PASK: variants seen among roughly 807,000 people sequenced by gnomAD.
PASK encodes PAS domain containing serine/threonine kinase.
Under a neutral mutation model 121.0 loss-of-function variants are expected in PASK, and 110 were observed. The observed-to-expected ratio is 0.91, with a 90% CI of 0.78 to 1.06. The LOEUF is 1.06. PASK is among the 50% of genes least tolerant of loss of function. The pLI, the probability that PASK is intolerant of heterozygous loss-of-function variation, is 0.00. For missense variants in PASK, 1,643 were observed against 1,702.3 expected (o/e 0.97, Z 0.61); for synonymous variants, 686 against 717.8 (o/e 0.96, Z 0.71).
chr2:241,130,828 C>T (rs1183706855), intron 9 of PASK, among the ~76,000 whole-genome samples: 1 of 152,082 alleles, frequency 6.6e-6, no homozygotes, highest in Non-Finnish European at 1.5e-5. Flanking sequence ...TCCGAGGAGG[C>T]CTGTAGAGGA....
At chr2:241,145,967 C>T (rs866608152) in intron 1 of PASK, 1 of 149,826 alleles carries the variant, frequency 6.7e-6, no homozygotes. Flanking sequence ...AAAATGAGAA[C>T]ACAGCTTCAC....
chr2:241,140,201 C>T (rs963511895), intron 3 of PASK, 146 bp from the exon 4 acceptor site: 36 of 576,150 alleles, frequency 6.2e-5, no homozygotes, highest in Middle Eastern at 3.3e-4. Context: ...AGTGCAGTGG[C>T]GCAATCAGAG....
chr2:241,144,637 G>A (rs1022191294), intron 1 of PASK, among the ~76,000 whole-genome samples: 6 of 152,330 alleles, frequency 3.9e-5, no homozygotes, highest in African/African-American at 1.4e-4. Context: ...GCCGTGAACT[G>A]GCTGAGGAGC....
At position 241,130,064 on chromosome 2, in the gene PASK, C is replaced by G. The variant is rs542856013; in HGVS notation, c.1464-2613G>C. ...AGCACCCAACGTAGTCCCTAAAACA[C>G]AAAAGCACTCCGTACAGCTCACCTC... is the stretch of plus-strand genomic sequence containing the variant. On this transcript the variant is annotated intron_variant, in intron 9 of 17. Coordinates refer to ENST00000234040, the MANE Select transcript of PASK (RefSeq NM_015148.4). 4.5e-4 allele frequency among the ~76,000 whole-genome samples: 69 copies of G among 152,308 alleles called. 1 individual carries two copies. Among genetic ancestry groups the G allele is most frequent in the Non-Finnish European group, 5.9e-5 (4 of 68,026 alleles).
chr2:241,127,055 C>T lies in PASK; in HGVS notation c.1860G>A (p.Trp620Ter), dbSNP rs766875141. The change falls in exon 10 of 18, where the codon TGG (tryptophan) becomes TGA (stop). Residue 620 changes from tryptophan (W) to a stop codon, truncating the protein, a stop_gained. Coordinates refer to ENST00000234040, the MANE Select transcript of PASK (RefSeq NM_015148.4). LOFTEE classifies it high-confidence loss of function. Reference protein sequence around the residue: ...CPCYGSEWGLWWRSQDLAPSP... With the variant: ...CPCYGSEWGL ...TGGGGGCCAAGTCCTGGCTTCGCCA[C>T]CACAAGCCCCATTCACTCCCATAGC... 9 of 1,614,124 alleles carry T rather than the reference C, an allele frequency of 5.6e-6. No individual in the cohort carries two copies. Among genetic ancestry groups the T allele is most frequent in the Non-Finnish European group, 7.6e-6 (9 of 1,180,046 alleles).
At chr2:241,148,155 C>T (rs1028742773) in intron 1 of PASK, among the ~76,000 whole-genome samples, 2 of 152,180 alleles carry the variant, frequency 1.3e-5, no homozygotes, top group Non-Finnish European at 2.9e-5. Context: ...GGAACCCAAA[C>T]CCAGCAGACA....
intron 7 of PASK, among the ~76,000 whole-genome samples, chr2:241,136,345 C>T (rs568640634): frequency 6.6e-6 from 1 of 152,362 alleles, no homozygotes; most frequent in African/African-American, 2.4e-5. Flanking sequence ...GATCTGGGAG[C>T]CTGTGTTTGC....
intron 6 of PASK, 100 bp from the exon 7 acceptor site, chr2:241,137,364 G>A (rs1029176171): frequency 2.1e-6 from 2 of 947,506 alleles, no homozygotes; most frequent in Non-Finnish European, 3.5e-6. Flanking sequence ...ACGTCATCGG[G>A]GAAGGTCCCC....
In PASK at chr2:241,106,471, G is replaced by C. The variant is rs2064883060; in HGVS notation, c.*95C>G. The stretch of plus-strand genomic sequence containing the variant: ...ACATGAGTTTTTAGAAGGTGAATTG[G>C]GGATGCTTCAGAATGTATTTTCTCC... On this transcript the variant is annotated 3_prime_UTR_variant, in exon 18 of 18. Transcript: ENST00000234040. 5.5e-6 allele frequency: 7 copies of C among 1,276,636 alleles called. No individual in the cohort carries two copies. In the Admixed American group the frequency reaches 1.0e-4, roughly 18 times the overall value. 79.1% of individuals were successfully genotyped at this position (1,276,636 alleles called of 1,614,324 possible).
chr2:241,109,827 T>C (rs1031562953), intron 15 of PASK: 1 of 152,356 alleles, frequency 6.6e-6, no homozygotes, highest in Admixed American at 6.5e-5. Context: ...TTGGCAAACT[T>C]TTCCTGTGAA....
chr2:241,128,193 T>C (rs1011736379), intron 9 of PASK, among the ~76,000 whole-genome samples: 14 of 152,172 alleles, frequency 9.2e-5, no homozygotes, highest in Admixed American at 9.2e-4. Flanking sequence ...GGCAGGAGAA[T>C]GGTTTGAGCC....
chr2:241,131,678 C>G (rs2125438058), intron 9 of PASK, among the ~76,000 whole-genome samples: 1 of 152,156 alleles, frequency 6.6e-6, no homozygotes, highest in Middle Eastern at 3.4e-3. Flanking sequence ...AGGAAGGGAC[C>G]CAGGGTCTGC....
At position 241,144,781 on chromosome 2, in the gene PASK, C is replaced by A. The variant is rs2066874607; in HGVS notation, c.-42-1707G>T. On this transcript the variant is annotated intron_variant, in intron 1 of 17. Transcript: ENST00000234040. ...ACACCACCTCTTCCAATATGGAACT[C>A]CAAGGAGTCCCCCCTCCTTGCCTTA... Among the ~76,000 whole-genome samples the A allele has an allele frequency of 2.6e-5, 4 of 152,178 alleles. No individual in the cohort carries two copies. In the South Asian group the frequency reaches 8.3e-4, roughly 32 times the overall value.
At position 241,126,497 on chromosome 2, in the gene PASK, G is replaced by T. The variant is rs2065870464; in HGVS notation, c.2418C>A (p.Asp806Glu). Residue 806 changes from aspartate (D) to glutamate (E), a missense_variant, in exon 10 of 18, where the codon GAC becomes GAA. By Grantham distance (45) the Asp-to-Glu change is conservative (BLOSUM62 2). Transcript: ENST00000234040. ...CCCGGAACCGTCGGCCTTGGCCAAG[G>T]TCAACACAGGTGCCGGTCAGTAGTA... The part of the protein sequence containing the change: ...ELLLLTGTCV[D>E]LGQGRRFRES... 1.2e-6 allele frequency: 2 copies of T among 1,614,130 alleles called. No individual in the cohort carries two copies. The highest frequency in any genetic ancestry group is 2.7e-5 in the African/African-American group (2 of 74,934).
At chr2:241,121,862 G>C (rs1396122787) in intron 12 of PASK, among the ~76,000 whole-genome samples, 2 of 151,972 alleles carry the variant, frequency 1.3e-5, no homozygotes, top group Non-Finnish European at 2.9e-5. Flanking sequence ...GATTACAAAG[G>C]GAAACAAGCA....
At chr2:241,144,117 CGTGT>C (rs911065339) in intron 1 of PASK, among the ~76,000 whole-genome samples, 2 of 151,524 alleles carry the variant, frequency 1.3e-5, no homozygotes, top group Non-Finnish European at 2.9e-5. Flanking sequence ...TGTGTCCGTG[CGTGT>C]GTGTGCGTGT....
rs754971580 is a variant in PASK at position 241,142,830 on chromosome 2, T to G, written c.196+7A>C. The G allele has an allele frequency of 6.2e-7, 1 of 1,604,274 alleles. No individual in the cohort carries two copies. Among genetic ancestry groups the G allele is most frequent in the Admixed American group, 1.7e-5 (1 of 60,004 alleles). The stretch of plus-strand genomic sequence containing the variant: ...CGCTAAGGCCTGCAGTGGTCGAAGG[T>G]CATTACCAGAGAGCGCTGTCCTGCT... On this transcript the variant is annotated splice_region_variant and intron_variant, in intron 2 of 17. Transcript: ENST00000234040.
intron 11 of PASK, among the ~76,000 whole-genome samples, chr2:241,123,174 C>CTT (rs528024638): frequency 6.0e-5 from 8 of 132,934 alleles, no homozygotes; most frequent in South Asian, 2.5e-4. Flanking sequence ...AAAGTGGCTT[C>CTT]TTTTTTTTTT....
chr2:241,122,931 A>G (rs772547254), intron 11 of PASK, 32 bp from the exon 12 acceptor site: 59 of 1,609,464 alleles, frequency 3.7e-5, no homozygotes, highest in Non-Finnish European at 5.0e-5. Flanking sequence ...GTGGGGTCAC[A>G]TGCAACTGCA....
Sources: allele counts gnomAD v4.1 joint callset (sites outside exome capture counted in the v4.1 genomes callset), GRCh38; gene constraint gnomAD v4.1.1; transcripts MANE v1.5; gene names NCBI Gene and HGNC (gene_info 2026-07-23, HGNC 2026-07-21).